Variants in GLS2 observed in about 807,000 individuals in gnomAD.
The protein encoded by GLS2 is glutaminase 2.
A neutral mutation model predicts 79.0 loss-of-function variants in GLS2; 52 were observed. The observed-to-expected ratio is 0.66, with a 90% CI of 0.53 to 0.83. GLS2 has a LOEUF of 0.83. Ranked by LOEUF, GLS2 falls within the 40% of genes least tolerant of loss-of-function variation. The probability of loss-of-function intolerance (pLI) is 0.00; values close to 1 mark genes in which losing one functional copy is unlikely to be tolerated. For missense variants in GLS2, 561 were observed against 764.8 expected (o/e 0.73, Z 3.14); for synonymous variants, 238 against 280.8 (o/e 0.85, Z 1.52).
chr12:56,478,379 G>C (rs1870010349), intron 4 of GLS2, 117 bp from the exon 5 acceptor site: 8 of 1,075,800 alleles, frequency 7.4e-6, no homozygotes, highest in Admixed American at 4.3e-5. Flanking sequence ...CTATAGGGCA[G>C]AGGGGTTCCC....
chr12:56,484,185 G>T (rs969357065), intron 1 of GLS2, among the ~76,000 whole-genome samples: 2 of 152,094 alleles, frequency 1.3e-5, no homozygotes, highest in Admixed American at 1.3e-4. Flanking sequence ...CAGGAGAATC[G>T]CTTGAACCCA....
intron 1 of GLS2, 125 bp downstream of exon 1, chr12:56,487,812 C>T: frequency 8.6e-7 from 1 of 1,156,098 alleles, no homozygotes. Context: ...GAAAAGGCAC[C>T]GAGGGCTAGT....
chr12:56,480,600 AT>A, intron 1 of GLS2: 1 of 540,300 alleles, frequency 1.9e-6, no homozygotes. Flanking sequence ...TCAGATCTTT[AT>A]TTTTAGCTCC....
intron 16 of GLS2, 38 bp downstream of exon 16, chr12:56,472,081 T>C (rs2136176899): frequency 1.2e-6 from 2 of 1,603,576 alleles, no homozygotes; most frequent in Non-Finnish European, 1.7e-6. Flanking sequence ...AAGGGTCTTA[T>C]GATTACCCTC....
intron 10 of GLS2, 58 bp downstream of exon 10, chr12:56,474,986 G>A (rs1400810793): frequency 6.2e-7 from 1 of 1,613,592 alleles, no homozygotes; most frequent in Non-Finnish European, 8.5e-7. Context: ...AACCCCTACT[G>A]CCCTTCCACT....
chr12:56,479,267 G>A, intron 3 of GLS2, 86 bp from the exon 4 acceptor site: 1 of 1,527,338 alleles, frequency 6.5e-7, no homozygotes, highest in Non-Finnish European at 8.8e-7. Flanking sequence ...GAATAAAGAA[G>A]GTTGAGTGGT....
chr12:56,472,531 T>A lies in GLS2; in HGVS notation c.1511+159A>T, dbSNP rs59853996. 0.02 allele frequency: 13,447 copies of A among 662,094 alleles called. 1,340 individuals carry two copies. In the African/African-American group the frequency reaches 0.22, roughly 11 times the overall value. The allele number at this position is 662,094 out of a possible 1,614,324, so 41.0% of individuals were successfully genotyped here. A position where few individuals can be genotyped will look rare whatever the true frequency, so the allele number is the denominator to read the frequency against. ...CATAGAGCAGACAGTTTACTTTTTT[T>A]AAAAAAAATCTCCTTTTTTAAAAAA... On this transcript the variant is annotated intron_variant, in intron 15 of 17. Transcript: ENST00000311966.
Position 56,472,204 on chromosome 12 carries a change from A to T in GLS2, c.1512-9T>A. 6.2e-7 allele frequency: 1 copy of T among 1,613,886 alleles called. No homozygotes were observed. The highest frequency in any genetic ancestry group is 8.5e-7 in the Non-Finnish European group (1 of 1,179,790). On this transcript the variant is annotated splice_polypyrimidine_tract_variant and intron_variant, in intron 15 of 17. Transcript: ENST00000311966. ...TGGCTGACAAGGCAAACCTGAGGGT[A>T]GTGGGAAAGCAGCTAGAGTTGCCTA...
At position 56,478,093 on chromosome 12, in the gene GLS2, G is replaced by A. The variant is rs1190676698; in HGVS notation, c.618C>T (p.His206=). The A allele has an allele frequency of 6.2e-7, 1 of 1,614,110 alleles. No individual in the cohort carries two copies. The highest frequency in any genetic ancestry group is 8.5e-7 in the Non-Finnish European group (1 of 1,179,948). ...VSLCTVDGQR[H]SVGHTKIPFC... Reference sequence around the variant, plus strand: ...AGGGGATCTTTGTGTGGCCCACAGAGTGCCTGGAGGCAGACAGATGCCATG... The same window carrying A: ...AGGGGATCTTTGTGTGGCCCACAGAATGCCTGGAGGCAGACAGATGCCATG... The change falls in exon 6 of 18, where the codon CAC becomes CAT. Residue 206 remains histidine (H), a synonymous_variant. Transcript: ENST00000311966.
intron 4 of GLS2, chr12:56,478,671 AG>A: frequency 3.8e-6 from 1 of 261,138 alleles, no homozygotes; most frequent in South Asian, 5.0e-5. Context: ...TCTCATTCAT[AG>A]GACTCCCAGC....
At chr12:56,474,944 T>C (rs1869668163) in intron 10 of GLS2, 48 bp from the exon 11 acceptor site, 11 of 1,613,858 alleles carry the variant, frequency 6.8e-6, no homozygotes, top group Non-Finnish European at 8.5e-6. Flanking sequence ...CATCAGCCCT[T>C]TCACACTGTC....
In GLS2 at chr12:56,471,611, T is replaced by A. The variant is rs114626570; in HGVS notation, c.1685A>T (p.Gln562Leu). Reference protein sequence around the residue: ...WGNIPLDDAVQFNHLEVVKLL... With the variant: ...WGNIPLDDAVLFNHLEVVKLL... ...TTTGACCACCTCCAGATGGTTGAAC[T>A]GCACAGCATCATCCAGGGGAATGTT... is the stretch of plus-strand genomic sequence containing the variant. Residue 562 changes from glutamine to leucine, a missense_variant, in exon 18 of 18, where the codon CAG (glutamine) becomes CTG (leucine). Gln to Leu is a moderately radical substitution (Grantham distance 113, BLOSUM62 -2). Transcript: ENST00000311966. The A allele has an allele frequency of 8.7e-6, 14 of 1,614,038 alleles. No homozygotes were observed. The East Asian group carries it at 2.7e-4, about 31-fold the overall frequency.
In GLS2 at chr12:56,471,339, C is replaced by A; in HGVS notation, c.*148G>T. 1.2e-6 allele frequency: 1 copy of A among 810,568 alleles called. No individual in the cohort carries two copies. Among genetic ancestry groups the A allele is most frequent in the Non-Finnish European group, 1.9e-6 (1 of 531,206 alleles). The allele number at this position is 810,568 out of a possible 1,614,324, so 50.2% of individuals were successfully genotyped here. On this transcript the variant is annotated 3_prime_UTR_variant, in exon 18 of 18. Transcript: ENST00000311966. Reference sequence around the variant, plus strand: ...GCTGAGGGAATGGGGTATTTTGACTCCCATAGAAAGCACTAGCCTAAGTCA... The same window carrying A: ...GCTGAGGGAATGGGGTATTTTGACTACCATAGAAAGCACTAGCCTAAGTCA...
At chr12:56,477,530 G>A (rs11171862) in intron 7 of GLS2, 130 bp downstream of exon 7, 275,180 of 869,052 alleles carry the variant, frequency 0.32, 45,488 homozygotes, top group South Asian at 0.48. Context: ...TGTGCCTCAT[G>A]TGCCTTCTGG....
chr12:56,484,124 G>C (rs1870507149), intron 1 of GLS2, among the ~76,000 whole-genome samples: 1 of 152,106 alleles, frequency 6.6e-6, no homozygotes, highest in African/African-American at 2.4e-5. Flanking sequence ...ACAAGAATTA[G>C]CCGGGTGTGG....
At chr12:56,480,160 T>C in intron 2 of GLS2, 128 bp downstream of exon 2, 1 of 849,982 alleles carries the variant, frequency 1.2e-6, no homozygotes, top group Non-Finnish European at 1.9e-6. Flanking sequence ...ATCTGGATTC[T>C]CATCCATCTG....
intron 1 of GLS2, among the ~76,000 whole-genome samples, chr12:56,486,567 G>A (rs976666260): frequency 4.6e-5 from 7 of 152,178 alleles, no homozygotes; most frequent in Admixed American, 1.3e-4. Flanking sequence ...AGGGCCGGGC[G>A]TGGTGGCTCA....
At chr12:56,478,546 C>T (rs1169833676) in intron 4 of GLS2, 2 of 414,450 alleles carry the variant, frequency 4.8e-6, no homozygotes, top group Non-Finnish European at 8.9e-6. Context: ...GGCTCAGTTA[C>T]CCTATAAATC....
Position 56,471,381 on chromosome 12 carries a change from T to C in GLS2, c.*106A>G. 1 of 1,212,960 alleles carries C rather than the reference T, an allele frequency of 8.2e-7. No homozygotes were observed. The highest frequency in any genetic ancestry group is 1.1e-6 in the Non-Finnish European group (1 of 883,702). The allele number at this position is 1,212,960 out of a possible 1,614,324, so 75.1% of individuals were successfully genotyped here. ...CCTAAGTCACCAAATGACTGCTTGGTCCCCACTGAAGCAGTGTAGCTCTCC... is the reference window on the plus strand; with the variant it reads ...CCTAAGTCACCAAATGACTGCTTGGCCCCCACTGAAGCAGTGTAGCTCTCC... On this transcript the variant is annotated 3_prime_UTR_variant, in exon 18 of 18. Coordinates refer to ENST00000311966, the MANE Select transcript of GLS2 (RefSeq NM_013267.4).
Sources: gnomAD v4.1 joint callset for allele counts (sites outside exome capture counted in the v4.1 genomes callset) on GRCh38, gnomAD v4.1.1 for gene constraint, MANE v1.5 for transcripts, NCBI Gene and HGNC (gene_info 2026-07-23, HGNC 2026-07-21) for gene names.